The following MTMR9 variants were observed in gnomAD, a reference collection of about 807,000 sequenced individuals.
MTMR9 encodes the protein myotubularin related protein 9, also known as myotubularin-related protein 9.
A neutral mutation model predicts 69.5 loss-of-function variants in MTMR9; 39 were observed. The ratio of observed to expected loss-of-function variants is 0.56; its 90% CI spans 0.43 to 0.73. The LOEUF is 0.73. MTMR9 is among the 30% of genes least tolerant of loss of function. MTMR9 has a pLI of 0.00. For missense variants in MTMR9, 900 were observed against 671.2 expected, an observed-to-expected ratio of 1.34 and a Z score of -3.77; for synonymous variants, 354 against 240.8, an observed-to-expected ratio of 1.47 and a Z score of -4.35.
the MTMR9 span, among the ~76,000 whole-genome samples, chr8:11,338,848 C>A: frequency 6.6e-6 from 1 of 152,222 alleles, no homozygotes; most frequent in Non-Finnish European, 1.5e-5. Context: ...GTAGCAATTT[C>A]CTTCAATCCT....
At chr8:11,296,620 T>G (rs1464738709) in intron 2 of MTMR9, among the ~76,000 whole-genome samples, 3 of 152,192 alleles carry the variant, frequency 2.0e-5, no homozygotes, top group African/African-American at 7.2e-5. Context: ...CTCATATAAG[T>G]AGAATCATAG....
chr8:11,290,520 C>G (rs919618177), intron 1 of MTMR9, among the ~76,000 whole-genome samples: 3 of 151,980 alleles, frequency 2.0e-5, no homozygotes, highest in East Asian at 1.9e-4. Context: ...AACTCCTTCC[C>G]TGTCCCCAAA....
intron 5 of MTMR9, among the ~76,000 whole-genome samples, chr8:11,309,197 A>T (rs1467502103): frequency 6.6e-6 from 1 of 152,032 alleles, no homozygotes; most frequent in Non-Finnish European, 1.5e-5. Flanking sequence ...TGGGAACAGG[A>T]TTGCAAATGT....
Position 11,291,586 on chromosome 8 carries a change from A to G in MTMR9, c.183-3608A>G, listed in dbSNP as rs542377115. Among the ~76,000 whole-genome samples, 19 of 152,230 alleles carry G rather than the reference A, an allele frequency of 1.2e-4. 1 individual carries two copies. The South Asian group carries it at 4.0e-3, about 32-fold the overall frequency. ...ATAAGTAACTGACTAGAAACATTGAATAAATGAATGGAGAATACCTTAATA... is the reference window on the plus strand; with the variant it reads ...ATAAGTAACTGACTAGAAACATTGAGTAAATGAATGGAGAATACCTTAATA... On this transcript the variant is annotated intron_variant, in intron 1 of 9. Transcript: ENST00000221086.
intron 7 of MTMR9, 103 bp from the exon 8 acceptor site, chr8:11,316,570 G>A: frequency 1.6e-6 from 1 of 630,792 alleles, no homozygotes; most frequent in South Asian, 2.6e-5. Flanking sequence ...TGATGTTCCA[G>A]GTACTAGGAG....
chr8:11,313,696 C>T (rs1800295664), intron 6 of MTMR9, among the ~76,000 whole-genome samples: 1 of 152,204 alleles, frequency 6.6e-6, no homozygotes, highest in Non-Finnish European at 1.5e-5. Context: ...GTTAGTGGAG[C>T]AGTGAGAACA....
chr8:11,301,934 C>G (rs1241816144), intron 3 of MTMR9, among the ~76,000 whole-genome samples: 1 of 151,874 alleles, frequency 6.6e-6, no homozygotes, highest in Non-Finnish European at 1.5e-5. Context: ...GAAGAAGATC[C>G]AATATTTATT....
downstream of MTMR9, among the ~76,000 whole-genome samples, chr8:11,332,675 C>T (rs919983731): frequency 6.6e-6 from 1 of 151,874 alleles, no homozygotes; most frequent in Admixed American, 6.6e-5. Flanking sequence ...GATCTCAGCT[C>T]ACTGTAACAT....
intron 1 of MTMR9, among the ~76,000 whole-genome samples, chr8:11,292,119 A>G (rs959258654): frequency 2.6e-5 from 4 of 152,172 alleles, no homozygotes; most frequent in South Asian, 2.1e-4. Flanking sequence ...ATCATAAATC[A>G]TGCAGTACTC....
Position 11,316,723 on chromosome 8 carries a change from C to A in MTMR9, c.1164C>A (p.Thr388=). ...QRCAQSAYCN[T]KQKWEAPVFL... is the part of the protein sequence containing the mutation. ...GTGCACAGTCAGCCTACTGTAACACCAAGCAGAAGTGGGAGGCTCCTGTAT... is the reference window on the plus strand; with the variant it reads ...GTGCACAGTCAGCCTACTGTAACACAAAGCAGAAGTGGGAGGCTCCTGTAT... Residue 388 remains threonine (T), a synonymous_variant, in exon 8 of 10, where the codon ACC becomes ACA. Transcript: ENST00000221086. 3 of 1,613,488 alleles carry A rather than the reference C, an allele frequency of 1.9e-6. No homozygotes were observed. Among genetic ancestry groups the A allele is most frequent in the Non-Finnish European group, 2.5e-6 (3 of 1,179,766 alleles).
rs761461863 is a variant in MTMR9, at chr8:11,284,916, C to T, written c.28C>T (p.Pro10Ser). MEFAELIKT[P>S]RVDNVVLHRP... ...GGAGTTTGCGGAGCTGATTAAGACC[C>T]CGCGGGTGGACAATGTGGTGCTGCA... is the stretch of plus-strand genomic sequence containing the variant. Residue 10 changes from proline to serine, a missense_variant, in exon 1 of 10, where the codon CCG becomes TCG. Physicochemically the swap from Pro to Ser is moderately conservative, Grantham distance 74 (BLOSUM62 -1). Transcript: ENST00000221086. 8.7e-6 allele frequency: 14 copies of T among 1,611,578 alleles called. No individual in the cohort carries two copies. The highest frequency in any genetic ancestry group is 1.7e-5 in the Admixed American group (1 of 59,658).
chr8:11,309,762 TTTATAGA>T, intron 6 of MTMR9, 74 bp downstream of exon 6: 1 of 1,506,190 alleles, frequency 6.6e-7, no homozygotes, highest in Non-Finnish European at 9.0e-7. Flanking sequence ...CAGACATATG[TTTATAGA>T]TTATGTGAAA....
chr8:11,318,740 G>A (rs1800532843), intron 8 of MTMR9: 1 of 152,148 alleles, frequency 6.6e-6, no homozygotes, highest in African/African-American at 2.4e-5. Context: ...TGTGGATATA[G>A]ATTAAATATG....
At chr8:11,297,861 A>C (rs1039762067) in intron 2 of MTMR9, 1 of 456,144 alleles carries the variant, frequency 2.2e-6, no homozygotes, top group African/African-American at 2.0e-5. Flanking sequence ...CGTAGTGATT[A>C]ACATAGTGAA....
At chr8:11,331,805 C>A, downstream of MTMR9, 1 of 1,611,736 alleles carries the variant, frequency 6.2e-7, no homozygotes, top group Non-Finnish European at 8.5e-7. Context: ...GGCTGCTGGG[C>A]TGTGTGCCAG....
At chr8:11,292,451 C>T (rs1274527549) in intron 1 of MTMR9, among the ~76,000 whole-genome samples, 1 of 152,144 alleles carries the variant, frequency 6.6e-6, no homozygotes, top group Non-Finnish European at 1.5e-5. Context: ...GTTCTACATA[C>T]CTATGAGCAG....
chr8:11,309,939 C>T (rs1376433324), intron 6 of MTMR9, among the ~76,000 whole-genome samples: 2 of 151,688 alleles, frequency 1.3e-5, no homozygotes, highest in Admixed American at 6.6e-5. Flanking sequence ...ACTAATGGAC[C>T]CGTTTTTTTT....
intron 6 of MTMR9, among the ~76,000 whole-genome samples, chr8:11,313,567 C>G (rs538893547): frequency 6.6e-6 from 1 of 152,176 alleles, no homozygotes; most frequent in East Asian, 1.9e-4. Context: ...TGCTACTCTT[C>G]CTTTCATTTG....
intron 6 of MTMR9, among the ~76,000 whole-genome samples, chr8:11,313,542 A>G (rs571608226): frequency 9.9e-5 from 15 of 152,224 alleles, no homozygotes; most frequent in African/African-American, 3.6e-4. Context: ...CTAGCTTTTG[A>G]TCTAAAATGA....
Sources: gnomAD v4.1 joint callset for allele counts (sites outside exome capture counted in the v4.1 genomes callset) on GRCh38, gnomAD v4.1.1 for gene constraint, MANE v1.5 for transcripts, NCBI Gene and HGNC (gene_info 2026-07-23, HGNC 2026-07-21) for gene names.